PRELID1: variants seen among roughly 807,000 people sequenced by gnomAD.
The protein encoded by PRELID1 is PRELI domain-containing protein 1, mitochondrial.
A neutral mutation model predicts 29.0 loss-of-function variants in PRELID1; 15 were observed. The observed-to-expected ratio is 0.52, with a 90% CI of 0.35 to 0.80. PRELID1 has a LOEUF of 0.80. Ranked by LOEUF, PRELID1 falls within the 30% of genes least tolerant of loss-of-function variation. The pLI is 0.01. For missense variants in PRELID1, 187 were observed against 275.9 expected (o/e 0.68, Z 2.28); for synonymous variants, 79 against 106.5 (o/e 0.74, Z 1.59).
At position 177,306,010 on chromosome 5, in the gene PRELID1, G is replaced by C. The variant is rs759638512; in HGVS notation, c.432+26G>C. 1.9e-6 allele frequency: 3 copies of C among 1,607,704 alleles called. No individual in the cohort carries two copies. In the South Asian group the frequency reaches 3.3e-5, roughly 18 times the overall value. ...GTGAGCAGTGTTGTTGGGGCTGCTGGGGCTCTGGGACCCAGTGCTTTCGGT... is the reference window on the plus strand; with the variant it reads ...GTGAGCAGTGTTGTTGGGGCTGCTGCGGCTCTGGGACCCAGTGCTTTCGGT... On this transcript the variant is annotated intron_variant, in intron 3 of 4. Coordinates refer to ENST00000303204, the MANE Select transcript of PRELID1 (RefSeq NM_013237.4).
At position 177,303,944 on chromosome 5, in the gene PRELID1, C is replaced by A. The variant is rs752749231; in HGVS notation, c.-42C>A. ...CTCGCGTGCCTCCCAGGCTCCGCAC[C>A]CCTGATGCTGCGCGGGTGCTGAGCC... is the stretch of plus-strand genomic sequence containing the variant. On this transcript the variant is annotated 5_prime_UTR_variant, in exon 1 of 5. Transcript: ENST00000303204. This position sits in a 1 kb window ranked among gnomAD's most constrained non-coding sequence, Gnocchi z 6.1. 5.1e-6 allele frequency: 8 copies of A among 1,571,542 alleles called. No individual in the cohort carries two copies. Among genetic ancestry groups the A allele is most frequent in the Non-Finnish European group, 6.9e-6 (8 of 1,156,202 alleles).
Position 177,304,314 on chromosome 5 carries a change from G to A in PRELID1, c.92+237G>A, listed in dbSNP as rs542674047. 47 of 598,920 alleles carry A rather than the reference G, an allele frequency of 7.8e-5. No individual in the cohort carries two copies. The East Asian group carries it at 1.3e-3, about 17-fold the overall frequency. The allele number at this position is 598,920 out of a possible 1,614,324, so 37.1% of individuals were successfully genotyped here. A position where few individuals can be genotyped will look rare whatever the true frequency, so the allele number is the denominator to read the frequency against. ...TCAGTGTGGTGAGACAAGAAGAGGCGGCAGTATGGGAGTTGGGAGGGATCT... is the reference window on the plus strand; with the variant it reads ...TCAGTGTGGTGAGACAAGAAGAGGCAGCAGTATGGGAGTTGGGAGGGATCT... On this transcript the variant is annotated intron_variant, in intron 1 of 4. Transcript: ENST00000303204.
chr5:177,304,491 C>T (rs2127298440), intron 1 of PRELID1, 134 bp from the exon 2 acceptor site: 1 of 801,526 alleles, frequency 1.2e-6, no homozygotes, highest in Non-Finnish European at 2.1e-6. Flanking sequence ...CTGGTTTGAA[C>T]CATAGCACAT....
intron 2 of PRELID1, 31 bp from the exon 3 acceptor site, chr5:177,305,840 T>C (rs549550658): frequency 6.3e-7 from 1 of 1,584,852 alleles, no homozygotes; most frequent in Admixed American, 1.7e-5. Flanking sequence ...AATGAAAGAC[T>C]GTTCCACGAT....
chr5:177,306,695 G>C lies in PRELID1; in HGVS notation c.*125G>C. Reference sequence around the variant, plus strand: ...TGCTGTCTACGTGGTGGGTTGTGGGGATGCAGTTTGGCATCTGCAGTACAC... The same window carrying C: ...TGCTGTCTACGTGGTGGGTTGTGGGCATGCAGTTTGGCATCTGCAGTACAC... On this transcript the variant is annotated 3_prime_UTR_variant, in exon 5 of 5. Transcript: ENST00000303204. 1 of 1,388,168 alleles carries C rather than the reference G, an allele frequency of 7.2e-7. No individual in the cohort carries two copies. The highest frequency in any genetic ancestry group is 9.7e-7 in the Non-Finnish European group (1 of 1,031,216). 86.0% of individuals were successfully genotyped at this position (1,388,168 alleles called of 1,614,324 possible).
At position 177,306,564 on chromosome 5, in the gene PRELID1, T is replaced by G. The variant is rs1469883958; in HGVS notation, c.654T>G (p.Phe218Leu). 1 of 1,607,870 alleles carries G rather than the reference T, an allele frequency of 6.2e-7. No individual in the cohort carries two copies. Reference sequence around the variant, plus strand: ...AGAAGCAGCAGCAGCAGCAACAGTTTGTGTAGCCAGTCTACCACCACCACA... The same window carrying G: ...AGAAGCAGCAGCAGCAGCAACAGTTGGTGTAGCCAGTCTACCACCACCACA... ...ATKKQQQQQQ[F>L]V is the part of the protein sequence containing the mutation. Residue 218 changes from phenylalanine to leucine, a missense_variant, in exon 5 of 5, where the codon TTT becomes TTG. By Grantham distance (22) the Phe-to-Leu change is conservative. Transcript: ENST00000303204.
rs1376852239 is a variant in PRELID1 at position 177,306,596 on chromosome 5, C to T, written c.*26C>T. 6.2e-7 allele frequency: 1 copy of T among 1,602,782 alleles called. No individual in the cohort carries two copies. The highest frequency in any genetic ancestry group is 8.5e-7 in the Non-Finnish European group (1 of 1,174,950). On this transcript the variant is annotated 3_prime_UTR_variant, in exon 5 of 5. Coordinates refer to ENST00000303204, the MANE Select transcript of PRELID1 (RefSeq NM_013237.4). ...CCAGTCTACCACCACCACAGCACCC[C>T]AGACAGCTAGGCTTAGCCTCTCTGC...
Position 177,303,984 on chromosome 5 carries a change from C to T in PRELID1, c.-2C>T. On this transcript the variant is annotated 5_prime_UTR_variant, in exon 1 of 5. In the 5' UTR this introduces an upstream ATG that the reference lacks. Coordinates refer to ENST00000303204, the MANE Select transcript of PRELID1 (RefSeq NM_013237.4). This position sits in a 1 kb window ranked among gnomAD's most constrained non-coding sequence, Gnocchi z 6.1. ...GGTGCTGAGCCCGCTTCGGCCGGGACGATGGTGAAGTATTTCCTGGGCCAG... is the reference window on the plus strand; with the variant it reads ...GGTGCTGAGCCCGCTTCGGCCGGGATGATGGTGAAGTATTTCCTGGGCCAG... 6.2e-7 allele frequency: 1 copy of T among 1,608,962 alleles called. No homozygotes were observed. The highest frequency in any genetic ancestry group is 8.5e-7 in the Non-Finnish European group (1 of 1,179,682).
rs1760891101 is a variant in PRELID1, at chr5:177,306,817, AG to A, written c.*249del. 3 of 759,590 alleles carry A rather than the reference AG, an allele frequency of 3.9e-6. No homozygotes were observed. The South Asian group carries it at 5.7e-5, about 14-fold the overall frequency. The allele number at this position is 759,590 out of a possible 1,614,324, so 47.1% of individuals were successfully genotyped here. ...GGTGCGGTGACTTGCCCGGGGCTCC[AG>A]GTAGCCTGCAGGTTAACTGGCGGTA... On this transcript the variant is annotated 3_prime_UTR_variant, in exon 5 of 5. Transcript: ENST00000303204.
Position 177,303,827 on chromosome 5 carries a change from G to A in PRELID1, c.-159G>A. 1.0e-5 allele frequency: 5 copies of A among 483,834 alleles called. No homozygotes were observed. The highest frequency in any genetic ancestry group is 1.7e-5 in the Non-Finnish European group (5 of 294,910). 30.0% of individuals were successfully genotyped at this position (483,834 alleles called of 1,614,324 possible). ...CGGCCGGACAACTCATGGCGGCGGC[G>A]GCGGCGGCGGCAGCTGCTTGGGCGC... On this transcript the variant is annotated 5_prime_UTR_variant, in exon 1 of 5. Transcript: ENST00000303204. This position sits in a 1 kb window ranked among gnomAD's most constrained non-coding sequence, Gnocchi z 6.1.
At chr5:177,305,183 C>T (rs904539857) in intron 2 of PRELID1, among the ~76,000 whole-genome samples, 3 of 151,692 alleles carry the variant, frequency 2.0e-5, no homozygotes, top group Non-Finnish European at 2.9e-5. Context: ...TGCTGAGTGG[C>T]GGAGGCAGTG....
rs1308483045 is a variant in PRELID1, at chr5:177,304,007, C to T, written c.22C>T (p.Gln8Ter). The T allele has an allele frequency of 6.2e-7, 1 of 1,611,592 alleles. No homozygotes were observed. The highest frequency in any genetic ancestry group is 1.1e-5 in the South Asian group (1 of 91,078). The change falls in exon 1 of 5, where the codon CAG becomes TAG. Residue 8 changes from glutamine to a stop codon, truncating the protein, a stop_gained. Transcript: ENST00000303204. LOFTEE classifies it high-confidence loss of function. Reference protein sequence around the residue: MVKYFLGQSVLRSSWDQV... With the variant: MVKYFLG ...GACGATGGTGAAGTATTTCCTGGGC[C>T]AGAGCGTGCTCCGGAGTTCCTGGGA...
In PRELID1 at chr5:177,306,792, G is replaced by C; in HGVS notation, c.*222G>C. 1.2e-6 allele frequency: 1 copy of C among 852,670 alleles called. No individual in the cohort carries two copies. The highest frequency in any genetic ancestry group is 1.8e-5 in the South Asian group (1 of 55,608). 52.8% of individuals were successfully genotyped at this position (852,670 alleles called of 1,614,324 possible). On this transcript the variant is annotated 3_prime_UTR_variant, in exon 5 of 5. Transcript: ENST00000303204. ...GGGCAGCTGAGGACCGAGGCACAGA[G>C]GTGCGGTGACTTGCCCGGGGCTCCA...
chr5:177,306,317 C>T, intron 4 of PRELID1, 105 bp from the exon 5 acceptor site: 1 of 1,585,458 alleles, frequency 6.3e-7, no homozygotes, highest in Non-Finnish European at 8.6e-7. Context: ...TGAATACCAC[C>T]TTTTTAGTGG....
In PRELID1 at chr5:177,306,946, T is replaced by A; in HGVS notation, c.*376T>A. On this transcript the variant is annotated 3_prime_UTR_variant, in exon 5 of 5. Coordinates refer to ENST00000303204, the MANE Select transcript of PRELID1 (RefSeq NM_013237.4). ...AGACACTCAATAAATACTTGTTGAA[T>A]TCAGTTGGCCCCAGCTCTGGAGTCG... 1.0e-6 allele frequency: 1 copy of A among 971,934 alleles called. No homozygotes were observed. Among genetic ancestry groups the A allele is most frequent in the Non-Finnish European group, 1.5e-6 (1 of 670,088 alleles). 60.2% of individuals were successfully genotyped at this position (971,934 alleles called of 1,614,324 possible).
intron 2 of PRELID1, 109 bp downstream of exon 2, chr5:177,304,959 C>G (rs976709400): frequency 1.8e-6 from 2 of 1,101,838 alleles, no homozygotes; most frequent in Non-Finnish European, 2.6e-6. Context: ...CTTTTGTGGC[C>G]GGAGGCAGGT....
In PRELID1 at chr5:177,304,659, G is replaced by C. The variant is rs1369701412; in HGVS notation, c.127G>C (p.Glu43Gln). Reference protein sequence around the residue: ...HVLTEDIVHREVTPDQKLLSR... With the variant: ...HVLTEDIVHRQVTPDQKLLSR... ...CTTGACGGAAGACATAGTACACCGG[G>C]AGGTGACCCCTGACCAGAAACTGCT... Residue 43 changes from glutamate to glutamine, a missense_variant, in exon 2 of 5, where the codon GAG becomes CAG. Transcript: ENST00000303204. 6.2e-7 allele frequency: 1 copy of C among 1,613,844 alleles called. No homozygotes were observed. Among genetic ancestry groups the C allele is most frequent in the Non-Finnish European group, 8.5e-7 (1 of 1,179,886 alleles).
At chr5:177,305,253 TTGGAG>T (rs1760833056) in intron 2 of PRELID1, among the ~76,000 whole-genome samples, 1 of 151,916 alleles carries the variant, frequency 6.6e-6, no homozygotes, top group Non-Finnish European at 1.5e-5. Context: ...CTCACCCAGG[TTGGAG>T]TGTAGTGACA....
At position 177,303,858 on chromosome 5, in the gene PRELID1, G is replaced by C; in HGVS notation, c.-128G>C. ...GGCGGCAGCTGCTTGGGCGCGGTGC[G>C]GTGGTGACTGAGCTACGAGCCTGGC... is the stretch of plus-strand genomic sequence containing the variant. On this transcript the variant is annotated 5_prime_UTR_variant, in exon 1 of 5. Transcript: ENST00000303204. This position sits in a 1 kb window ranked among gnomAD's most constrained non-coding sequence, Gnocchi z 6.1. 1.4e-6 allele frequency: 1 copy of C among 706,458 alleles called. No individual in the cohort carries two copies. The highest frequency in any genetic ancestry group is 2.0e-5 in the South Asian group (1 of 50,224). 43.8% of individuals were successfully genotyped at this position (706,458 alleles called of 1,614,324 possible).
Sources: allele counts gnomAD v4.1 joint callset (sites outside exome capture counted in the v4.1 genomes callset), GRCh38; gene constraint gnomAD v4.1.1; non-coding constraint Gnocchi (gnomAD v3.1); transcripts MANE v1.5; gene names NCBI Gene and HGNC (gene_info 2026-07-23, HGNC 2026-07-21).